Variants in USP54 observed in about 807,000 individuals in gnomAD.
The protein encoded by USP54 is ubiquitin specific peptidase 54.
USP54 carries 87 observed loss-of-function variants against 170.5 expected under a neutral mutation model. The ratio of observed to expected loss-of-function variants is 0.51; its 90% CI spans 0.43 to 0.61. The LOEUF is 0.61. USP54 is among the 20% of genes least tolerant of loss of function. The pLI is 0.00. For missense variants in USP54, 1,786 were observed against 2,047.8 expected (o/e 0.87, Z 2.47); for synonymous variants, 655 against 742.8 (o/e 0.88, Z 1.92).
At chr10:73,539,077 G>A (rs374396876) in intron 10 of USP54, among the ~76,000 whole-genome samples, 4 of 151,574 alleles carry the variant, frequency 2.6e-5, no homozygotes, top group African/African-American at 9.7e-5. Context: ...TCAGGAGTTC[G>A]AGACCAGCCT....
At chr10:73,535,339 T>C (rs912539632) in intron 11 of USP54, among the ~76,000 whole-genome samples, 3 of 151,986 alleles carry the variant, frequency 2.0e-5, no homozygotes, top group Admixed American at 6.6e-5. Flanking sequence ...GGTATTTGAC[T>C]GAAGGGAGAA....
chr10:73,526,337 T>G lies in USP54; in HGVS notation c.2194+310A>C, dbSNP rs2062840904. Among the ~76,000 whole-genome samples the G allele has an allele frequency of 1.3e-5, 2 of 152,104 alleles. 1 individual carries two copies. The highest frequency in any genetic ancestry group is 4.8e-5 in the African/African-American group (2 of 41,410). On this transcript the variant is annotated intron_variant, in intron 16 of 23. Transcript: ENST00000687698. ...ATCTTGGCTCACTGCAACCTCCGCC[T>G]CCCAGGTTCAAGCAATTCTCCTGCC...
chr10:73,621,261 T>C (rs1299524669), intron 1 of USP54, among the ~76,000 whole-genome samples: 2 of 148,910 alleles, frequency 1.3e-5, no homozygotes, highest in African/African-American at 2.6e-5. Flanking sequence ...AAAGCAAATA[T>C]ATAAAAACAT....
At chr10:73,575,769 T>C in intron 2 of USP54, 29 bp downstream of exon 2, 1 of 1,368,724 alleles carries the variant, frequency 7.3e-7, no homozygotes, top group Non-Finnish European at 9.8e-7. Flanking sequence ...ATTTAGTGAA[T>C]TTATTTTGGA....
chr10:73,588,569 C>T (rs1219172198), intron 1 of USP54, among the ~76,000 whole-genome samples: 1 of 152,226 alleles, frequency 6.6e-6, no homozygotes, highest in African/African-American at 2.4e-5. Context: ...ATACAATTCA[C>T]CCAGACTATT....
At chr10:73,589,021 A>T (rs907445485) in intron 1 of USP54, among the ~76,000 whole-genome samples, 1 of 152,200 alleles carries the variant, frequency 6.6e-6, no homozygotes, top group African/African-American at 2.4e-5. Context: ...CTCCACACCA[A>T]CTGGGACTTC....
chr10:73,523,679 C>T lies in USP54; in HGVS notation c.2266G>A (p.Glu756Lys). Residue 756 changes from glutamate (E) to lysine (K), a missense_variant, in exon 17 of 24, where the codon GAA becomes AAA. By Grantham distance (56) the Glu-to-Lys change is moderately conservative. Around this residue, in one of 3 missense-constraint regions of USP54, gnomAD observed 1,418 missense variants for 1,569.0 expected, o/e 0.90. Coordinates refer to ENST00000687698, the MANE Select transcript of USP54 (RefSeq NM_001391956.1). ...TCCTTCTCCCGTTTTCTTCGAAGTT[C>T]CTGTTCCTGCGCCCTCCTGGCCACC... The part of the protein sequence containing the change: ...EEVARRAQEQ[E>K]LRRKREKELE... 6.2e-7 allele frequency: 1 copy of T among 1,613,966 alleles called. No individual in the cohort carries two copies. The highest frequency in any genetic ancestry group is 2.2e-5 in the East Asian group (1 of 44,878).
Position 73,526,756 on chromosome 10 carries a change from A to T in USP54, c.2085T>A (p.Ala695=), listed in dbSNP as rs777245823. ...VYRDPSAKRS[A]GLVPSWRHIP... The stretch of plus-strand genomic sequence containing the variant: ...TATGACGCCAGGAAGGAACCAACCC[A>T]GCTGATCTCTTAGCACTTGGATCCC... Residue 695 remains alanine (A), a synonymous_variant, in exon 16 of 24, where the codon GCT becomes GCA. Transcript: ENST00000687698. 6.2e-7 allele frequency: 1 copy of T among 1,613,982 alleles called. No homozygotes were observed. The highest frequency in any genetic ancestry group is 1.3e-5 in the African/African-American group (1 of 74,914).
In USP54 at chr10:73,583,708, C is replaced by T. The variant is rs541657100; in HGVS notation, c.-581-7347G>A. On this transcript the variant is annotated intron_variant, in intron 1 of 23. Coordinates refer to ENST00000687698, the MANE Select transcript of USP54 (RefSeq NM_001391956.1). The stretch of plus-strand genomic sequence containing the variant: ...AGCCTGTAGTGAGCTATGACTGTGC[C>T]ACTGCACTCCAGCCAGGGTGACAAA... Among the ~76,000 whole-genome samples the T allele has an allele frequency of 7.9e-4, 120 of 151,870 alleles. 1 individual carries two copies. The highest frequency in any genetic ancestry group is 1.5e-3 in the Non-Finnish European group (102 of 67,964).
Position 73,545,625 on chromosome 10 carries a change from A to G in USP54, c.288T>C (p.Ser96=). 2 of 1,614,228 alleles carry G rather than the reference A, an allele frequency of 1.2e-6. No individual in the cohort carries two copies. The highest frequency in any genetic ancestry group is 1.1e-5 in the South Asian group (1 of 91,082). Residue 96 remains serine (S), a synonymous_variant, in exon 5 of 24, where the codon TCT becomes TCC. Coordinates refer to ENST00000687698, the MANE Select transcript of USP54 (RefSeq NM_001391956.1). Reference sequence around the variant, plus strand: ...TTGCCAGAGCACTGCGGAGAGTGTCAGATGGAAGCACTTTTTCACTACTAC... The same window carrying G: ...TTGCCAGAGCACTGCGGAGAGTGTCGGATGGAAGCACTTTTTCACTACTAC... ...FQCSSEKVLP[S]DTLRSALAKT...
Position 73,520,012 on chromosome 10 carries a change from A to G in USP54, c.2483-20T>C. 1.9e-6 allele frequency: 3 copies of G among 1,572,186 alleles called. No individual in the cohort carries two copies. The highest frequency in any genetic ancestry group is 2.3e-5 in the East Asian group (1 of 42,966). ...GTTTAGCTAAAATGCAAAAGAAAATATAGCAGAAACAGAACACAAAACACA... is the reference window on the plus strand; with the variant it reads ...GTTTAGCTAAAATGCAAAAGAAAATGTAGCAGAAACAGAACACAAAACACA... On this transcript the variant is annotated intron_variant, in intron 18 of 23. Transcript: ENST00000687698.
At chr10:73,625,586 C>G (rs2081471293) in exon 1 of USP54, 1 of 152,658 alleles carries the variant, frequency 6.6e-6, no homozygotes, top group Non-Finnish European at 1.5e-5. Context: ...CGCTGTACCC[C>G]ATTTCTTCCC....
At chr10:73,603,660 A>C (rs1589384227) in intron 1 of USP54, among the ~76,000 whole-genome samples, 2 of 152,096 alleles carry the variant, frequency 1.3e-5, no homozygotes, top group East Asian at 3.9e-4. Context: ...AGGCAGGAGA[A>C]GCACTTTAAC....
chr10:73,514,955 A>G (rs1188987154), intron 20 of USP54, among the ~76,000 whole-genome samples: 1 of 150,690 alleles, frequency 6.6e-6, no homozygotes, highest in African/African-American at 2.4e-5. Flanking sequence ...CAGGAGAATC[A>G]CTTGAACCCG....
chr10:73,515,406 TAAG>T (rs1474843205), intron 20 of USP54, among the ~76,000 whole-genome samples: 2 of 152,220 alleles, frequency 1.3e-5, no homozygotes, highest in African/African-American at 4.8e-5. Context: ...GCTTTGGAGT[TAAG>T]TGCATCAATG....
At chr10:73,529,581 G>T in intron 15 of USP54, 99 bp downstream of exon 15, 1 of 1,325,870 alleles carries the variant, frequency 7.5e-7, no homozygotes, top group Non-Finnish European at 1.1e-6. Context: ...TAATAGCAAA[G>T]GCCATCCCTC....
At chr10:73,511,550 C>T (rs1001334342) in intron 20 of USP54, among the ~76,000 whole-genome samples, 1 of 150,964 alleles carries the variant, frequency 6.6e-6, no homozygotes, top group Non-Finnish European at 1.5e-5. Flanking sequence ...ATCCCAGCTA[C>T]TTGGGAGGCT....
chr10:73,517,687 C>T lies in USP54; in HGVS notation c.2739G>A (p.Met913Ile), dbSNP rs1383263894. The stretch of plus-strand genomic sequence containing the variant: ...AAGAACTGGCCCCAAACTCTGTATC[C>T]ATGCCGGATTCCAGTTGGGCCTCTT... ...LSQEAQLESG[M>I]DTEFGASSFF... is the part of the protein sequence containing the mutation. The change falls in exon 20 of 24, where the codon ATG (methionine) becomes ATA (isoleucine). Residue 913 changes from methionine to isoleucine, a missense_variant. Coordinates refer to ENST00000687698, the MANE Select transcript of USP54 (RefSeq NM_001391956.1). The T allele has an allele frequency of 1.2e-6, 2 of 1,614,048 alleles. No individual in the cohort carries two copies. The highest frequency in any genetic ancestry group is 2.7e-5 in the African/African-American group (2 of 74,922).
chr10:73,516,729 A>T lies in USP54; in HGVS notation c.3697T>A (p.Tyr1233Asn). Residue 1233 changes from tyrosine (Y) to asparagine (N), a missense_variant, in exon 20 of 24, where the codon TAC becomes AAC. Coordinates refer to ENST00000687698, the MANE Select transcript of USP54 (RefSeq NM_001391956.1). Reference protein sequence around the residue: ...GQPRLAEPDIYQEKLSQVRDV... With the variant: ...GQPRLAEPDINQEKLSQVRDV... ...CTCACTTGGGACAGCTTCTCTTGGT[A>T]TATGTCTGGCTCTGCCAACCTGGGC... 6.2e-7 allele frequency: 1 copy of T among 1,614,170 alleles called. No individual in the cohort carries two copies. Among genetic ancestry groups the T allele is most frequent in the African/African-American group, 1.3e-5 (1 of 75,054 alleles).
Sources: gnomAD v4.1 joint callset for allele counts (sites outside exome capture counted in the v4.1 genomes callset) on GRCh38, gnomAD v4.1.1 for gene constraint, gnomAD v4.1.1 regional missense constraint, MANE v1.5 for transcripts, NCBI Gene and HGNC (gene_info 2026-07-23, HGNC 2026-07-21) for gene names.